KIAA2012: variants seen among roughly 807,000 people sequenced by gnomAD.
KIAA2012 encodes KIAA2012.
KIAA2012 carries 125 observed loss-of-function variants against 150.6 expected under a neutral mutation model. The observed-to-expected ratio is 0.83, with a 90% CI of 0.72 to 0.96. The LOEUF (loss-of-function observed/expected upper bound fraction) is 0.96, where lower values mean the gene tolerates loss of function less well. Ranked by LOEUF, KIAA2012 falls within the 40% of genes least tolerant of loss-of-function variation. The pLI is 0.00. For synonymous variants in KIAA2012, 462 were observed against 504.7 expected (o/e 0.92, Z 1.13); for missense variants, 1,219 against 1,354.9 (o/e 0.90, Z 1.57).
Position 202,154,732 on chromosome 2 carries a change from A to AAATAAAGC in KIAA2012, c.1969_1976dup (p.Leu660IlefsTer4). Reference sequence around the variant, plus strand: ...AGACAGGAGAGCCTCAAAGTTGTATAAATAAAGCGCTGATATGTTCAAACA... The same window carrying AAATAAAGC: ...AGACAGGAGAGCCTCAAAGTTGTATAAATAAAGCAATAAAGCGCTGATATGTTCAAACA... On this transcript the variant is annotated frameshift_variant, in exon 14 of 24. Coordinates refer to ENST00000498697, the MANE Select transcript of KIAA2012 (RefSeq NM_001277372.4). LOFTEE classifies it high-confidence loss of function. The AAATAAAGC allele has an allele frequency of 1.2e-5, 19 of 1,550,364 alleles. No individual in the cohort carries two copies. Among genetic ancestry groups the AAATAAAGC allele is most frequent in the Non-Finnish European group, 1.7e-5 (19 of 1,146,932 alleles).
intron 13 of KIAA2012, among the ~76,000 whole-genome samples, chr2:202,145,124 C>T (rs1465336095): frequency 3.3e-5 from 5 of 152,138 alleles, no homozygotes; most frequent in Non-Finnish European, 7.3e-5. Context: ...TAAGAGAATT[C>T]GCTTCTGCAT....
At chr2:202,201,924 G>A (rs899781441) in intron 22 of KIAA2012, 4 of 837,324 alleles carry the variant, frequency 4.8e-6, no homozygotes, top group East Asian at 2.5e-5. Context: ...CATCAGGGAC[G>A]GTTATCTTTT....
chr2:202,139,132 T>C (rs1042801649), intron 13 of KIAA2012, among the ~76,000 whole-genome samples: 1 of 151,634 alleles, frequency 6.6e-6, no homozygotes, highest in Non-Finnish European at 1.5e-5. Flanking sequence ...TCCCAGCTAC[T>C]TGGGAGGCTG....
chr2:202,134,360 TGGACCCTACG>T (rs138544855), intron 12 of KIAA2012, among the ~76,000 whole-genome samples: 19,745 of 152,146 alleles, frequency 0.13, 1,368 homozygotes, highest in South Asian at 0.24. Flanking sequence ...TTGGCCACTT[TGGACCCTACG>T]GGTGTGATAT....
intron 2 of KIAA2012, among the ~76,000 whole-genome samples, chr2:202,083,006 G>T (rs866175402): frequency 1.3e-5 from 2 of 152,162 alleles, no homozygotes; most frequent in Non-Finnish European, 2.9e-5. Flanking sequence ...TTGAGCTCTC[G>T]TAGGACCTGA....
intron 17 of KIAA2012, among the ~76,000 whole-genome samples, chr2:202,187,650 C>A (rs528276775): frequency 5.9e-5 from 9 of 152,160 alleles, no homozygotes; most frequent in Non-Finnish European, 1.3e-4. Flanking sequence ...TAGTCATGAC[C>A]CCACTCTGCC....
chr2:202,188,958 C>T (rs1291192067), intron 18 of KIAA2012, among the ~76,000 whole-genome samples: 3 of 152,144 alleles, frequency 2.0e-5, no homozygotes, highest in Non-Finnish European at 4.4e-5. Flanking sequence ...TTCAGAAGAC[C>T]CTCCAAACAA....
At chr2:202,203,032 C>T (rs1012939720) in intron 23 of KIAA2012, among the ~76,000 whole-genome samples, 2 of 152,122 alleles carry the variant, frequency 1.3e-5, no homozygotes, top group African/African-American at 4.8e-5. Flanking sequence ...CTGGAACCTC[C>T]ATTTCCACCA....
At chr2:202,130,129 A>G (rs1353902134) in intron 12 of KIAA2012, among the ~76,000 whole-genome samples, 6 of 152,252 alleles carry the variant, frequency 3.9e-5, no homozygotes, top group Admixed American at 1.3e-4. Context: ...TGGAAGTAAG[A>G]GAAAGTGAAG....
rs761136530 is a variant in KIAA2012 at position 202,090,729 on chromosome 2, G to T, written c.370-41G>T. ...CAGCCTGTATCACTGGGTGGCTCAGGGGTCAGCAGCTGTGCTGTTTCCTGA... is the reference window on the plus strand; with the variant it reads ...CAGCCTGTATCACTGGGTGGCTCAGTGGTCAGCAGCTGTGCTGTTTCCTGA... On this transcript the variant is annotated intron_variant, in intron 2 of 23. Coordinates refer to ENST00000498697, the MANE Select transcript of KIAA2012 (RefSeq NM_001277372.4). 2.3e-5 allele frequency: 35 copies of T among 1,518,174 alleles called. No individual in the cohort carries two copies. In the Admixed American group the frequency reaches 3.1e-4, roughly 13 times the overall value. 94.0% of individuals were successfully genotyped at this position (1,518,174 alleles called of 1,614,324 possible). A position where few individuals can be genotyped will look rare whatever the true frequency, so the allele number is the denominator to read the frequency against.
intron 3 of KIAA2012, 106 bp downstream of exon 3, chr2:202,091,035 C>T (rs902097442): frequency 2.9e-6 from 4 of 1,395,790 alleles, no homozygotes; most frequent in Non-Finnish European, 2.9e-6. Context: ...ATTTCAAGCC[C>T]AATTCTGTGT....
intron 2 of KIAA2012, among the ~76,000 whole-genome samples, chr2:202,081,006 C>T (rs571421783): frequency 6.6e-6 from 1 of 152,298 alleles, no homozygotes; most frequent in East Asian, 1.9e-4. Context: ...CCCCATTTCC[C>T]TCTGCCACCA....
At chr2:202,085,282 A>C in intron 2 of KIAA2012, among the ~76,000 whole-genome samples, 1 of 152,230 alleles carries the variant, frequency 6.6e-6, no homozygotes, top group African/African-American at 2.4e-5. Context: ...GAGAGGTTAC[A>C]GGGCAAAGGG....
In KIAA2012 at chr2:202,154,801, G is replaced by A. The variant is rs1300812837; in HGVS notation, c.2037G>A (p.Pro679=). The A allele has an allele frequency of 6.5e-6, 10 of 1,545,072 alleles. No homozygotes were observed. Among genetic ancestry groups the A allele is most frequent in the East Asian group, 2.4e-5 (1 of 40,922 alleles). ...GCAAGCTGCACATCGACATGACGCC[G>A]TTCCTGAAGGTGATCTCACACTGAG... ...YTRKLHIDMT[P]FLKESGNALD... Residue 679 remains proline (P), a synonymous_variant, in exon 14 of 24, where the codon CCG becomes CCA. Coordinates refer to ENST00000498697, the MANE Select transcript of KIAA2012 (RefSeq NM_001277372.4).
chr2:202,163,795 TTTTTTTTTTTTTTC>T (rs1281509987), intron 14 of KIAA2012, among the ~76,000 whole-genome samples: 2 of 89,014 alleles, frequency 2.2e-5, no homozygotes, highest in Admixed American at 1.2e-4. Flanking sequence ...TTTTTTTTTT[TTTTTTTTTTTTTTC>T]CTGTACCAGG....
At chr2:202,143,695 C>T (rs917330666) in intron 13 of KIAA2012, among the ~76,000 whole-genome samples, 5 of 152,012 alleles carry the variant, frequency 3.3e-5, no homozygotes, top group Admixed American at 6.6e-5. Context: ...GCAAGCTGAA[C>T]GGGGTCAACA....
At chr2:202,175,330 C>T (rs1691969595) in intron 15 of KIAA2012, among the ~76,000 whole-genome samples, 3 of 152,120 alleles carry the variant, frequency 2.0e-5, no homozygotes, top group Admixed American at 2.0e-4. Context: ...TTTTAAAAAT[C>T]CCCAACAGGG....
At chr2:202,121,617 T>G (rs528705199) in intron 11 of KIAA2012, among the ~76,000 whole-genome samples, 3 of 152,300 alleles carry the variant, frequency 2.0e-5, no homozygotes, top group African/African-American at 7.2e-5. Flanking sequence ...GAAGTGAGTA[T>G]TTTCAATCAC....
intron 21 of KIAA2012, among the ~76,000 whole-genome samples, chr2:202,196,186 C>CTTTTCTTTTTTTTTTTTTTTTTTTTTT (rs59455367): frequency 1.3e-5 from 1 of 79,702 alleles, no homozygotes; most frequent in Non-Finnish European, 2.3e-5. Context: ...CTTTTCTTTT[C>CTTTTCTTTTTTTTTTTTTTTTTTTTTT]TTTTTTTTTT....
Sources: allele counts gnomAD v4.1 joint callset (sites outside exome capture counted in the v4.1 genomes callset), GRCh38; gene constraint gnomAD v4.1.1; transcripts MANE v1.5; gene names NCBI Gene and HGNC (gene_info 2026-07-23, HGNC 2026-07-21).